GALNTL6: variants seen among roughly 807,000 people sequenced by gnomAD.
GALNTL6 encodes polypeptide N-acetylgalactosaminyltransferase-like 6.
Under a neutral mutation model 73.7 loss-of-function variants are expected in GALNTL6, and 46 were observed. The ratio of observed to expected loss-of-function variants is 0.62; its 90% CI spans 0.49 to 0.80. The LOEUF (loss-of-function observed/expected upper bound fraction) is 0.80. Ranked by LOEUF, GALNTL6 falls within the 30% of genes least tolerant of loss-of-function variation. GALNTL6 has a pLI of 0.00. For missense variants in GALNTL6, 604 were observed against 755.0 expected, an observed-to-expected ratio of 0.80 and a Z score of 2.34; for synonymous variants, 259 against 263.7, an observed-to-expected ratio of 0.98 and a Z score of 0.17.
At chr4:173,032,231 C>G (rs950500741) in intron 12 of GALNTL6, among the ~76,000 whole-genome samples, 11 of 152,118 alleles carry the variant, frequency 7.2e-5, no homozygotes, top group African/African-American at 2.7e-4. Flanking sequence ...GGGTGGATCA[C>G]GAGGTCAGGA....
At chr4:172,422,102 C>G (rs189723934) in intron 5 of GALNTL6, among the ~76,000 whole-genome samples, 2 of 152,140 alleles carry the variant, frequency 1.3e-5, no homozygotes, top group East Asian at 3.9e-4. Flanking sequence ...TAGCTTTTCC[C>G]CTGCAACAAT....
intron 5 of GALNTL6, among the ~76,000 whole-genome samples, chr4:172,366,529 G>A (rs1030681461): frequency 6.6e-6 from 1 of 152,068 alleles, no homozygotes; most frequent in African/African-American, 2.4e-5. Context: ...GAATTGAGGA[G>A]ACTTATGAAA....
chr4:172,454,294 C>A (rs1022190302), intron 5 of GALNTL6, among the ~76,000 whole-genome samples: 1 of 152,106 alleles, frequency 6.6e-6, no homozygotes, highest in African/African-American at 2.4e-5. Context: ...ATAATTGAGT[C>A]AAAAAATATA....
In GALNTL6 at chr4:171,826,921, A is replaced by G. The variant is rs146480191; in HGVS notation, c.138+12203A>G. On this transcript the variant is annotated intron_variant, in intron 2 of 12. Transcript: ENST00000506823. ...AACACCCATACCACGTACATTTACC[A>G]GTATCCTTTACAGACTCCTACTTGT... Among the ~76,000 whole-genome samples, 388 of 152,220 alleles carry G rather than the reference A, an allele frequency of 2.5e-3. 2 individuals are homozygous for G. Among genetic ancestry groups the G allele is most frequent in the African/African-American group, 8.9e-3 (370 of 41,544 alleles).
At chr4:171,962,533 T>G (rs1389570446) in intron 2 of GALNTL6, among the ~76,000 whole-genome samples, 3 of 152,054 alleles carry the variant, frequency 2.0e-5, no homozygotes, top group African/African-American at 7.2e-5. Context: ...AGTTTACAAA[T>G]GTCACGGCAA....
intron 8 of GALNTL6, among the ~76,000 whole-genome samples, chr4:172,900,270 A>G (rs897954073): frequency 1.6e-4 from 24 of 152,300 alleles, no homozygotes; most frequent in African/African-American, 4.6e-4. Flanking sequence ...AATTTTAAAG[A>G]TTATTGTTTT....
chr4:172,523,281 G>A (rs2110823799), intron 5 of GALNTL6, among the ~76,000 whole-genome samples: 1 of 152,246 alleles, frequency 6.6e-6, no homozygotes, highest in Middle Eastern at 3.4e-3. Flanking sequence ...TGTTTTAAAT[G>A]ACACCACTCT....
intron 5 of GALNTL6, among the ~76,000 whole-genome samples, chr4:172,384,374 A>G (rs1026820505): frequency 6.6e-6 from 1 of 151,964 alleles, no homozygotes; most frequent in Non-Finnish European, 1.5e-5. Context: ...AATCTAGGTT[A>G]TCTAATTTGT....
At chr4:172,386,324 G>C (rs988201149) in intron 5 of GALNTL6, among the ~76,000 whole-genome samples, 1 of 152,148 alleles carries the variant, frequency 6.6e-6, no homozygotes, top group Non-Finnish European at 1.5e-5. Context: ...AGTACTGGCA[G>C]ATCTGGTGTC....
In GALNTL6 at chr4:172,957,535, C is replaced by A. The variant is rs1057271802; in HGVS notation, c.1371+5277C>A. Reference sequence around the variant, plus strand: ...GCTGCTTTTTTAGCTATCTTATCAGCATAAGCATTGTCCTGAGCGATAGGA... The same window carrying A: ...GCTGCTTTTTTAGCTATCTTATCAGAATAAGCATTGTCCTGAGCGATAGGA... On this transcript the variant is annotated intron_variant, in intron 10 of 12. Transcript: ENST00000506823. Among the ~76,000 whole-genome samples, 4 of 152,310 alleles carry A rather than the reference C, an allele frequency of 2.6e-5. No individual in the cohort carries two copies. In the South Asian group the frequency reaches 6.2e-4, roughly 24 times the overall value.
intron 9 of GALNTL6, among the ~76,000 whole-genome samples, chr4:172,936,455 T>C (rs983308473): frequency 2.6e-5 from 4 of 152,156 alleles, no homozygotes; most frequent in African/African-American, 7.2e-5. Flanking sequence ...AAATAGAGTA[T>C]TCAAATAGGA....
intron 2 of GALNTL6, among the ~76,000 whole-genome samples, chr4:171,821,829 A>C (rs1349057327): frequency 6.6e-6 from 1 of 152,102 alleles, no homozygotes; most frequent in East Asian, 1.9e-4. Context: ...AGGACTGTTG[A>C]ATAAGCCAAT....
chr4:172,044,806 A>G (rs1742173281), intron 2 of GALNTL6, among the ~76,000 whole-genome samples: 1 of 152,046 alleles, frequency 6.6e-6, no homozygotes, highest in Non-Finnish European at 1.5e-5. Flanking sequence ...GCATACCCAG[A>G]AAACTTTGTT....
At chr4:172,114,127 G>A (rs1034722267) in intron 2 of GALNTL6, among the ~76,000 whole-genome samples, 1 of 152,042 alleles carries the variant, frequency 6.6e-6, no homozygotes, top group Non-Finnish European at 1.5e-5. Flanking sequence ...TACAGTTAAA[G>A]CTTCTCTTCA....
At chr4:171,993,099 G>T (rs532672015) in intron 2 of GALNTL6, among the ~76,000 whole-genome samples, 1 of 151,734 alleles carries the variant, frequency 6.6e-6, no homozygotes, top group African/African-American at 2.4e-5. Context: ...CCAACAACAC[G>T]GCATATTTAA....
chr4:171,816,358 GC>G (rs1734523799), intron 2 of GALNTL6: 1 of 150,530 alleles, frequency 6.6e-6, no homozygotes, highest in Non-Finnish European at 1.5e-5. Flanking sequence ...TTGTCTAATA[GC>G]AGAAAAAAAA....
intron 5 of GALNTL6, among the ~76,000 whole-genome samples, chr4:172,404,807 G>A (rs1306640348): frequency 3.3e-5 from 5 of 152,028 alleles, no homozygotes; most frequent in African/African-American, 1.2e-4. Context: ...TTCATTTGCT[G>A]AGCAAATCAT....
intron 2 of GALNTL6, among the ~76,000 whole-genome samples, chr4:172,195,463 C>T (rs1479577105): frequency 6.6e-6 from 1 of 152,136 alleles, no homozygotes; most frequent in African/African-American, 2.4e-5. Flanking sequence ...ACTCTCCACC[C>T]AAAAACAGCA....
chr4:172,663,692 G>T (rs779828225), intron 5 of GALNTL6, among the ~76,000 whole-genome samples: 1 of 152,232 alleles, frequency 6.6e-6, no homozygotes, highest in Non-Finnish European at 1.5e-5. Context: ...ACTTTGGGAG[G>T]CTGAGGCGGG....
Sources: gnomAD v4.1 joint callset for allele counts (sites outside exome capture counted in the v4.1 genomes callset) on GRCh38, gnomAD v4.1.1 for gene constraint, MANE v1.5 for transcripts, NCBI Gene and HGNC (gene_info 2026-07-23, HGNC 2026-07-21) for gene names.